The following RP1 variants were observed in gnomAD, a reference collection of about 807,000 sequenced individuals.
RP1 encodes RP1 axonemal microtubule associated.
In RP1, 16 loss-of-function variants were observed where a neutral mutation model predicts 14.8. That is an observed-to-expected ratio of 1.08 (90% CI 0.73 to 1.65). The LOEUF is 1.65. Among genes scored for constraint, RP1 ranks in the 40% most tolerant of loss-of-function variants. The probability of loss-of-function intolerance (pLI) is 0.00; values close to 1 mark genes in which losing one functional copy is unlikely to be tolerated. For synonymous variants in RP1, 876 were observed against 883.6 expected, an observed-to-expected ratio of 0.99 and a Z score of 0.15; for missense variants, 2,631 against 2,535.0, an observed-to-expected ratio of 1.04 and a Z score of -0.81.
At chr8:54,792,910 T>G (rs1236283551) in intron 24 of RP1, among the ~76,000 whole-genome samples, 1 of 151,708 alleles carries the variant, frequency 6.6e-6, no homozygotes, top group African/African-American at 2.4e-5. Context: ...AAAAATTAGT[T>G]TTTGGAAAAG....
At chr8:54,815,729 G>T (rs771360954) in intron 24 of RP1, among the ~76,000 whole-genome samples, 2 of 152,072 alleles carry the variant, frequency 1.3e-5, no homozygotes, top group South Asian at 2.1e-4. Flanking sequence ...TGCAGAGAGA[G>T]AGAATGCTGA....
intron 24 of RP1, among the ~76,000 whole-genome samples, chr8:54,801,483 T>C (rs1810705634): frequency 6.6e-6 from 1 of 152,190 alleles, no homozygotes; most frequent in South Asian, 2.1e-4. Context: ...TTTTTATCAG[T>C]GCCCTCAGGT....
chr8:54,706,771 C>T (rs886415881), intron 15 of RP1: 29 of 981,664 alleles, frequency 3.0e-5, no homozygotes, highest in Middle Eastern at 4.5e-4. Context: ...GTGGTGGTCT[C>T]CCTTGACTGG....
chr8:54,660,708 T>C (rs1281590239), intron 6 of RP1, among the ~76,000 whole-genome samples: 2 of 152,162 alleles, frequency 1.3e-5, no homozygotes, highest in Non-Finnish European at 2.9e-5. Flanking sequence ...GTTGTTATGA[T>C]GGTGTCTCTG....
At chr8:54,661,105 A>G (rs1434514163) in intron 6 of RP1, among the ~76,000 whole-genome samples, 1 of 150,826 alleles carries the variant, frequency 6.6e-6, no homozygotes, top group Non-Finnish European at 1.5e-5. Context: ...CTTGAGTTCA[A>G]GACCAGCCTG....
Position 54,629,245 on chromosome 8 carries a change from T to A in RP1, c.5363T>A (p.Phe1788Tyr), listed in dbSNP as rs771202266. Residue 1788 changes from phenylalanine (F) to tyrosine (Y), a missense_variant, in exon 4 of 4, where the codon TTT (phenylalanine) becomes TAT (tyrosine). Phe to Tyr is a conservative substitution (Grantham distance 22). Coordinates refer to ENST00000220676, the MANE Select transcript of RP1 (RefSeq NM_006269.2). ...NNSSEVPYSH[F>Y]GNLAPGPTMD... ...AGCAGTGAGGTACCATATTCACATT[T>A]TGGTAATTTGGCCCCAGGCCCAACG... 1 of 1,613,978 alleles carries A rather than the reference T, an allele frequency of 6.2e-7. No individual in the cohort carries two copies. The highest frequency in any genetic ancestry group is 1.7e-5 in the Admixed American group (1 of 60,002).
intron 13 of RP1, among the ~76,000 whole-genome samples, chr8:54,701,190 T>C (rs1432755327): frequency 6.6e-6 from 1 of 151,816 alleles, no homozygotes; most frequent in African/African-American, 2.4e-5. Context: ...AATGAGAAAA[T>C]GAAAAAAAAT....
At chr8:54,837,370 T>A (rs1498174) in intron 24 of RP1, 164,474 of 515,408 alleles carry the variant, frequency 0.32, 27,223 homozygotes, top group South Asian at 0.37. Flanking sequence ...AAAAAGTAAG[T>A]AGTGAGTTCA....
chr8:54,862,490 C>T (rs1812366140), intron 27 of RP1, among the ~76,000 whole-genome samples: 2 of 151,966 alleles, frequency 1.3e-5, no homozygotes, highest in Non-Finnish European at 2.9e-5. Context: ...TGTTCTTGTC[C>T]ATAATATTTA....
exon 29 of RP1, chr8:54,871,189 C>T (rs914156607): frequency 6.6e-6 from 1 of 151,962 alleles, no homozygotes; most frequent in African/African-American, 2.4e-5. Flanking sequence ...TATGTCATTA[C>T]ATTTTTTCCT....
chr8:54,849,867 AT>A (rs1812018274), intron 25 of RP1, among the ~76,000 whole-genome samples: 1 of 152,220 alleles, frequency 6.6e-6, no homozygotes, highest in Non-Finnish European at 1.5e-5. Context: ...TAATAAAAAA[AT>A]AAAGATGAGA....
intron 24 of RP1, among the ~76,000 whole-genome samples, chr8:54,792,377 T>C (rs1265874426): frequency 1.3e-5 from 2 of 151,892 alleles, no homozygotes; most frequent in African/African-American, 4.8e-5. Flanking sequence ...AACAGACATA[T>C]ACAGAACATT....
At chr8:54,865,750 C>G in intron 27 of RP1, 1 of 459,060 alleles carries the variant, frequency 2.2e-6, no homozygotes, top group Non-Finnish European at 3.5e-6. Context: ...TAAAAAGGAA[C>G]ATTTGGAGGA....
chr8:54,699,625 T>C (rs1807964587), intron 13 of RP1: 1 of 832,588 alleles, frequency 1.2e-6, no homozygotes, highest in Non-Finnish European at 1.7e-6. Context: ...TCTGTATATT[T>C]TTTTGTATAA....
intron 24 of RP1, among the ~76,000 whole-genome samples, chr8:54,809,759 T>G (rs1004235545): frequency 6.6e-6 from 1 of 152,242 alleles, no homozygotes; most frequent in Non-Finnish European, 1.5e-5. Context: ...GTTAGGTTGA[T>G]GCTGAAAAGT....
At chr8:54,702,439 G>A (rs1808046737) in intron 14 of RP1, among the ~76,000 whole-genome samples, 2 of 152,216 alleles carry the variant, frequency 1.3e-5, no homozygotes, top group Non-Finnish European at 1.5e-5. Flanking sequence ...AGTCTATTAA[G>A]TGTACAACAG....
chr8:54,583,019 AG>A (rs1270205944), intron 1 of RP1, among the ~76,000 whole-genome samples: 51 of 152,212 alleles, frequency 3.4e-4, no homozygotes, highest in Non-Finnish European at 7.3e-5. Context: ...TGCCCTGGCC[AG>A]AACTTCCAAC....
chr8:54,587,993 A>C (rs182661275), intron 1 of RP1, among the ~76,000 whole-genome samples: 1 of 152,322 alleles, frequency 6.6e-6, no homozygotes, highest in Admixed American at 6.5e-5. Context: ...CTTCCTACAG[A>C]GCAATGCTGT....
At chr8:54,640,093 C>G (rs1436592398) in intron 3 of RP1, among the ~76,000 whole-genome samples, 1 of 149,202 alleles carries the variant, frequency 6.7e-6, no homozygotes, top group Non-Finnish European at 1.5e-5. Flanking sequence ...TACTTTGGGT[C>G]TATTTGTCCC....
Sources: gnomAD v4.1 joint callset for allele counts (sites outside exome capture counted in the v4.1 genomes callset) on GRCh38, gnomAD v4.1.1 for gene constraint, MANE v1.5 for transcripts, NCBI Gene and HGNC (gene_info 2026-07-23, HGNC 2026-07-21) for gene names.